PCDHGB5: variants seen among roughly 807,000 people sequenced by gnomAD.
PCDHGB5 encodes the protein protocadherin gamma subfamily B, 5.
PCDHGB5 carries 48 observed loss-of-function variants against 62.9 expected under a neutral mutation model. That is an observed-to-expected ratio of 0.76 (90% CI 0.61 to 0.97). The LOEUF (loss-of-function observed/expected upper bound fraction) is 0.97, where lower values mean the gene tolerates loss of function less well. Ranked by LOEUF, PCDHGB5 falls within the 50% of genes least tolerant of loss-of-function variation. The pLI, the probability that PCDHGB5 is intolerant of heterozygous loss-of-function variation, is 0.00. For synonymous variants in PCDHGB5, 474 were observed against 511.2 expected, an observed-to-expected ratio of 0.93 and a Z score of 0.98; for missense variants, 1,118 against 1,198.6, an observed-to-expected ratio of 0.93 and a Z score of 0.99.
At chr5:141,418,057 G>A (rs2096216088) in intron 1 of PCDHGB5, 2 of 1,614,050 alleles carry the variant, frequency 1.2e-6, no homozygotes, top group East Asian at 4.5e-5. Context: ...CTCGCGAGCT[G>A]CGAGTGAGCG....
At chr5:141,426,423 G>T in intron 1 of PCDHGB5, 1 of 290,954 alleles carries the variant, frequency 3.4e-6, no homozygotes, top group Non-Finnish European at 6.8e-6. Context: ...AGGGCTCCGT[G>T]GTGGGGAACC....
chr5:141,420,191 CAAGAT>C, intron 1 of PCDHGB5: 1 of 1,613,720 alleles, frequency 6.2e-7, no homozygotes, highest in Non-Finnish European at 8.5e-7. Context: ...TCCAGCCACA[CAAGAT>C]AACCTCAACA....
intron 1 of PCDHGB5, 194 bp downstream of exon 1, chr5:141,400,718 A>G (rs2094066078): frequency 3.0e-6 from 2 of 671,700 alleles, no homozygotes; most frequent in Non-Finnish European, 5.0e-6. Flanking sequence ...AGCCTTATAG[A>G]TTTACAAAGT....
At chr5:141,421,224 T>G (rs1401875673) in intron 1 of PCDHGB5, 2 of 1,582,072 alleles carry the variant, frequency 1.3e-6, no homozygotes, top group Admixed American at 3.6e-5. Flanking sequence ...GCTTAGAGCC[T>G]GCCATGGCGA....
chr5:141,466,612 C>T (rs141916895), intron 1 of PCDHGB5, among the ~76,000 whole-genome samples: 1 of 152,262 alleles, frequency 6.6e-6, no homozygotes, highest in East Asian at 1.9e-4. Flanking sequence ...TTGTAAACTG[C>T]CGTTTTCTTT....
intron 1 of PCDHGB5, among the ~76,000 whole-genome samples, chr5:141,488,541 T>C (rs2099676694): frequency 6.6e-6 from 1 of 152,184 alleles, no homozygotes; most frequent in South Asian, 2.1e-4. Flanking sequence ...CTAAGTCCCA[T>C]GTCAGCTGAC....
chr5:141,490,065 C>A lies in PCDHGB5; in HGVS notation c.2398-4742C>A, dbSNP rs1161257597. ...CTGATCCAGACGAGGGCACCAACGG[C>A]CAACTAGACTATTCTTTTGGAGACC... On this transcript the variant is annotated intron_variant, in intron 1 of 3. Coordinates refer to ENST00000617380, the MANE Select transcript of PCDHGB5 (RefSeq NM_018925.3). This position sits in a 1 kb window ranked among gnomAD's most constrained non-coding sequence, Gnocchi z 5.4. 1 of 1,614,258 alleles carries A rather than the reference C, an allele frequency of 6.2e-7. No individual in the cohort carries two copies. Among genetic ancestry groups the A allele is most frequent in the South Asian group, 1.1e-5 (1 of 91,090 alleles).
At chr5:141,495,356 C>A (rs889897990) in intron 2 of PCDHGB5, among the ~76,000 whole-genome samples, 3 of 152,222 alleles carry the variant, frequency 2.0e-5, no homozygotes, top group Non-Finnish European at 4.4e-5. Flanking sequence ...GGCAGCACAG[C>A]TGGAGGTGGA....
chr5:141,453,620 A>G (rs2098770145), intron 1 of PCDHGB5, among the ~76,000 whole-genome samples: 1 of 152,196 alleles, frequency 6.6e-6, no homozygotes. Context: ...CAAAAACAAA[A>G]CCTATACATA....
At chr5:141,416,657 A>C (rs1194195210) in intron 1 of PCDHGB5, 6 of 152,232 alleles carry the variant, frequency 3.9e-5, no homozygotes, top group Non-Finnish European at 7.3e-5. Context: ...TGTAAAAAAG[A>C]AAAGAATATA....
intron 1 of PCDHGB5, among the ~76,000 whole-genome samples, chr5:141,460,447 A>G (rs1202218653): frequency 6.6e-6 from 1 of 152,170 alleles, no homozygotes; most frequent in Non-Finnish European, 1.5e-5. Context: ...GTAACAATGA[A>G]GATTCATATT....
chr5:141,398,087 G>T lies in PCDHGB5; in HGVS notation c.-41G>T, dbSNP rs1377881034. ...CAATACAGAGGTTATTTGTAACCTG[G>T]CGTCTCCAGGCTGGTGAGCAAGCTG... On this transcript the variant is annotated 5_prime_UTR_variant, in exon 1 of 4. Coordinates refer to ENST00000617380, the MANE Select transcript of PCDHGB5 (RefSeq NM_018925.3). 1 of 1,599,430 alleles carries T rather than the reference G, an allele frequency of 6.3e-7. No homozygotes were observed. Among genetic ancestry groups the T allele is most frequent in the African/African-American group, 1.3e-5 (1 of 74,536 alleles).
Position 141,398,053 on chromosome 5 carries a change from A to C in PCDHGB5, c.-75A>C. On this transcript the variant is annotated 5_prime_UTR_variant, in exon 1 of 4. Coordinates refer to ENST00000617380, the MANE Select transcript of PCDHGB5 (RefSeq NM_018925.3). ...GGAACTAAAGCCCGTTCGGAGATCC[A>C]AAAATCTACAATACAGAGGTTATTT... The C allele has an allele frequency of 2.0e-6, 3 of 1,516,468 alleles. No individual in the cohort carries two copies. The highest frequency in any genetic ancestry group is 2.7e-6 in the Non-Finnish European group (3 of 1,131,768). The allele number at this position is 1,516,468 out of a possible 1,614,324, so 93.9% of individuals were successfully genotyped here. A position where few individuals can be genotyped will look rare whatever the true frequency, so the allele number is the denominator to read the frequency against.
chr5:141,426,630 T>C, intron 1 of PCDHGB5: 1 of 398,080 alleles, frequency 2.5e-6, no homozygotes, highest in South Asian at 1.8e-5. Context: ...TCTAAATGTT[T>C]TTCACATAAA....
chr5:141,480,152 C>G (rs2099513323), intron 1 of PCDHGB5, among the ~76,000 whole-genome samples: 1 of 151,928 alleles, frequency 6.6e-6, no homozygotes, highest in African/African-American at 2.4e-5. Context: ...TAGCCAGCTC[C>G]TAGCATTTTG....
intron 2 of PCDHGB5, among the ~76,000 whole-genome samples, chr5:141,499,772 C>T (rs1217675128): frequency 1.0e-4 from 15 of 147,946 alleles, no homozygotes; most frequent in Admixed American, 9.0e-4. Context: ...CTGCAGCCTT[C>T]GCCTCCCGGG....
intron 1 of PCDHGB5, among the ~76,000 whole-genome samples, chr5:141,481,913 CAAAAA>C (rs34114744): frequency 1.1e-5 from 1 of 90,852 alleles, no homozygotes; most frequent in Non-Finnish European, 2.2e-5. Flanking sequence ...AACTCCATCT[CAAAAA>C]AAAAAAAAAA....
chr5:141,442,051 C>G (rs1384937090), intron 1 of PCDHGB5: 1 of 197,158 alleles, frequency 5.1e-6, no homozygotes, highest in East Asian at 1.8e-4. Context: ...CTACTGGTCG[C>G]GGTGCACTGC....
intron 1 of PCDHGB5, chr5:141,417,908 C>G (rs1255727429): frequency 6.3e-7 from 1 of 1,597,500 alleles, no homozygotes; most frequent in Non-Finnish European, 8.5e-7. Context: ...GCGGCAGGTA[C>G]TATTTCCTTT....
Sources: gnomAD v4.1 joint callset for allele counts (sites outside exome capture counted in the v4.1 genomes callset) on GRCh38, gnomAD v4.1.1 for gene constraint, Gnocchi (gnomAD v3.1) non-coding constraint, MANE v1.5 for transcripts, NCBI Gene and HGNC (gene_info 2026-07-23, HGNC 2026-07-21) for gene names.